The following PCSK5 variants were observed in gnomAD, a reference collection of about 807,000 sequenced individuals.
PCSK5 encodes proprotein convertase subtilisin/kexin type 5, also known as prohormone convertase 5.
A neutral mutation model predicts 233.2 loss-of-function variants in PCSK5; 129 were observed. That is an observed-to-expected ratio of 0.55 (90% CI 0.48 to 0.64). The LOEUF (loss-of-function observed/expected upper bound fraction) is 0.64. Ranked by LOEUF, PCSK5 falls within the 30% of genes least tolerant of loss-of-function variation. The probability of loss-of-function intolerance (pLI) is 0.00; values close to 1 mark genes in which losing one functional copy is unlikely to be tolerated. For synonymous variants in PCSK5, 825 were observed against 879.2 expected (o/e 0.94, Z 1.09); for missense variants, 2,076 against 2,430.1 (o/e 0.85, Z 3.06).
At chr9:76,300,847 G>A (rs1337376431) in intron 27 of PCSK5, among the ~76,000 whole-genome samples, 1 of 152,162 alleles carries the variant, frequency 6.6e-6, no homozygotes, top group African/African-American at 2.4e-5. Context: ...ATGAGAAAAT[G>A]TATATAAAGC....
In PCSK5 at chr9:76,189,139, T is replaced by C; in HGVS notation, c.2426T>C (p.Met809Thr). 1 of 1,613,244 alleles carries C rather than the reference T, an allele frequency of 6.2e-7. No homozygotes were observed. Among genetic ancestry groups the C allele is most frequent in the Non-Finnish European group, 8.5e-7 (1 of 1,179,416 alleles). The stretch of plus-strand genomic sequence containing the variant: ...ATTAACTGCACAGAGGGCTACTTCA[T>C]GGAGGATGGGAGATGCGTGCAGAGC... ...GCINCTEGYF[M>T]EDGRCVQSCS... is the part of the protein sequence containing the mutation. The change falls in exon 19 of 38, where the codon ATG (methionine) becomes ACG (threonine). Residue 809 changes from methionine to threonine, a missense_variant. Physicochemically the swap from Met to Thr is moderately conservative, Grantham distance 81 (BLOSUM62 -1). Coordinates refer to ENST00000674117, the MANE Select transcript of PCSK5 (RefSeq NM_001372043.1).
intron 2 of PCSK5, among the ~76,000 whole-genome samples, chr9:75,961,489 G>A (rs558585749): frequency 4.8e-4 from 73 of 152,324 alleles, no homozygotes; most frequent in African/African-American, 1.7e-3. Flanking sequence ...TGGCTAGTAC[G>A]TCTGAGGAAC....
intron 28 of PCSK5, among the ~76,000 whole-genome samples, chr9:76,304,300 C>T (rs1828707937): frequency 6.6e-6 from 1 of 152,260 alleles, no homozygotes; most frequent in African/African-American, 2.4e-5. Flanking sequence ...ATATCTGTGT[C>T]TATCCATCCT....
At chr9:75,899,885 A>G (rs1310546424) in intron 1 of PCSK5, among the ~76,000 whole-genome samples, 1 of 152,278 alleles carries the variant, frequency 6.6e-6, no homozygotes, top group South Asian at 2.1e-4. Context: ...GAAGATGGAG[A>G]GAGCCACCAG....
chr9:76,104,135 C>T (rs1019893606), intron 8 of PCSK5, among the ~76,000 whole-genome samples: 1 of 152,144 alleles, frequency 6.6e-6, no homozygotes, highest in Non-Finnish European at 1.5e-5. Context: ...TGGCCTTTGC[C>T]TTTTATTTCT....
chr9:75,906,055 C>T (rs1325921723), intron 1 of PCSK5, among the ~76,000 whole-genome samples: 1 of 151,954 alleles, frequency 6.6e-6, no homozygotes, highest in Non-Finnish European at 1.5e-5. Context: ...ACGGTGCTTG[C>T]GTTATAGTGG....
chr9:75,981,055 A>G (rs1194594055), intron 2 of PCSK5, among the ~76,000 whole-genome samples: 1 of 152,238 alleles, frequency 6.6e-6, no homozygotes, highest in East Asian at 1.9e-4. Context: ...GATACAAAAT[A>G]TGGAATACCA....
chr9:75,986,959 A>G (rs557779265), intron 3 of PCSK5, among the ~76,000 whole-genome samples: 219 of 152,340 alleles, frequency 1.4e-3, no homozygotes, highest in Non-Finnish European at 2.5e-3. Flanking sequence ...CATGAAATCC[A>G]CATGTCACCA....
At chr9:76,194,564 T>C (rs1824592493) in intron 20 of PCSK5, 1 of 290,352 alleles carries the variant, frequency 3.4e-6, no homozygotes, top group African/African-American at 2.3e-5. Flanking sequence ...TACTATTATA[T>C]GCTGGTCCAC....
At chr9:76,321,853 G>A (rs542051009) in intron 31 of PCSK5, among the ~76,000 whole-genome samples, 1 of 152,096 alleles carries the variant, frequency 6.6e-6, no homozygotes, top group Non-Finnish European at 1.5e-5. Flanking sequence ...GCCCCTTTTT[G>A]CATGATCTCT....
chr9:76,320,965 C>T (rs1169249292), intron 30 of PCSK5, among the ~76,000 whole-genome samples: 1 of 151,956 alleles, frequency 6.6e-6, no homozygotes, highest in Non-Finnish European at 1.5e-5. Context: ...TAGGCGTGCA[C>T]CACCACACCC....
chr9:76,043,563 C>T (rs912130078), intron 5 of PCSK5, among the ~76,000 whole-genome samples: 9 of 151,952 alleles, frequency 5.9e-5, no homozygotes, highest in African/African-American at 1.9e-4. Flanking sequence ...TCAGATGTCA[C>T]GTGCTGGCCT....
intron 6 of PCSK5, among the ~76,000 whole-genome samples, chr9:76,069,803 A>C (rs555993412): frequency 7.3e-4 from 111 of 152,258 alleles, no homozygotes; most frequent in Non-Finnish European, 1.3e-3. Context: ...TACCAATAAA[A>C]TAGTTTCATT....
In PCSK5 at chr9:76,333,785, G is replaced by A. The variant is rs7025305; in HGVS notation, c.4748+1175G>A. On this transcript the variant is annotated intron_variant, in intron 34 of 37. Transcript: ENST00000674117. Reference sequence around the variant, plus strand: ...ATTGACACATCTCTTCGGTCCTATAGCAGTTACTGCTTGTTTCATTCATTT... The same window carrying A: ...ATTGACACATCTCTTCGGTCCTATAACAGTTACTGCTTGTTTCATTCATTT... 3.4e-3 allele frequency among the ~76,000 whole-genome samples: 522 copies of A among 152,232 alleles called. 3 individuals carry two copies. The highest frequency in any genetic ancestry group is 0.012 in the African/African-American group (495 of 41,534).
chr9:76,205,365 C>T (rs951588340), intron 20 of PCSK5, among the ~76,000 whole-genome samples: 4 of 152,232 alleles, frequency 2.6e-5, no homozygotes, highest in Middle Eastern at 3.4e-3. Context: ...AGAGGGCCCT[C>T]GTATGGGGCT....
intron 20 of PCSK5, among the ~76,000 whole-genome samples, chr9:76,224,420 A>G (rs536213090): frequency 6.7e-6 from 1 of 150,132 alleles, no homozygotes; most frequent in East Asian, 2.0e-4. Context: ...TGACATTGAG[A>G]AAAAAAAAAG....
chr9:75,928,816 A>G (rs1453872631), intron 1 of PCSK5, among the ~76,000 whole-genome samples: 1 of 151,610 alleles, frequency 6.6e-6, no homozygotes, highest in East Asian at 1.9e-4. Context: ...GTAGAACTAA[A>G]CCATTTTTGC....
chr9:76,259,702 A>G lies in PCSK5; in HGVS notation c.3142+19018A>G, dbSNP rs1667163266. ...CATGCAGGTAAGCATATGGTTGAAC[A>G]TGCTTGGTTGAACATCCATAATGTT... On this transcript the variant is annotated intron_variant, in intron 24 of 37. Coordinates refer to ENST00000674117, the MANE Select transcript of PCSK5 (RefSeq NM_001372043.1). 1.3e-5 allele frequency among the ~76,000 whole-genome samples: 2 copies of G among 152,126 alleles called. 1 individual carries two copies. The highest frequency in any genetic ancestry group is 1.3e-4 in the Admixed American group (2 of 15,272).
chr9:76,331,717 G>A (rs1473417913), intron 33 of PCSK5, among the ~76,000 whole-genome samples: 1 of 151,982 alleles, frequency 6.6e-6, no homozygotes, highest in Non-Finnish European at 1.5e-5. Flanking sequence ...GTAATAGAAG[G>A]TGATGTGATC....
Sources: gnomAD v4.1 joint callset for allele counts (sites outside exome capture counted in the v4.1 genomes callset) on GRCh38, gnomAD v4.1.1 for gene constraint, MANE v1.5 for transcripts, NCBI Gene and HGNC (gene_info 2026-07-23, HGNC 2026-07-21) for gene names.